Variants in SYN3 observed in about 807,000 individuals in gnomAD.
The protein encoded by SYN3 is synapsin III, also known as synapsin-3.
Under a neutral mutation model 65.8 loss-of-function variants are expected in SYN3, and 35 were observed. That is an observed-to-expected ratio of 0.53 (90% CI 0.41 to 0.70). The LOEUF (loss-of-function observed/expected upper bound fraction) is 0.70. Ranked by LOEUF, SYN3 falls within the 30% of genes least tolerant of loss-of-function variation. The pLI is 0.00. For missense variants in SYN3, 680 were observed against 749.0 expected, an observed-to-expected ratio of 0.91 and a Z score of 1.08; for synonymous variants, 270 against 292.9, an observed-to-expected ratio of 0.92 and a Z score of 0.80.
intron 1 of SYN3, among the ~76,000 whole-genome samples, chr22:33,017,505 G>C (rs958709978): frequency 6.6e-6 from 1 of 152,144 alleles, no homozygotes; most frequent in Non-Finnish European, 1.5e-5. Flanking sequence ...CCGTGAACAC[G>C]GGATACCTTT....
At chr22:32,731,407 C>T (rs2061268621) in intron 6 of SYN3, among the ~76,000 whole-genome samples, 1 of 152,166 alleles carries the variant, frequency 6.6e-6, no homozygotes, top group African/African-American at 2.4e-5. Flanking sequence ...ATCTATAAAT[C>T]TGGGATGAAG....
chr22:32,607,480 G>T (rs1275848579), intron 6 of SYN3, among the ~76,000 whole-genome samples: 2 of 152,060 alleles, frequency 1.3e-5, no homozygotes, highest in Non-Finnish European at 2.9e-5. Context: ...CCTGACCCTG[G>T]TCAGGCACAC....
In SYN3 at chr22:33,035,604, G is replaced by A. The variant is rs1051058168; in HGVS notation, c.-163+22688C>T. Among the ~76,000 whole-genome samples, 10 of 152,134 alleles carry A rather than the reference G, an allele frequency of 6.6e-5. No homozygotes were observed. In the East Asian group the frequency reaches 1.5e-3, roughly 24 times the overall value. On this transcript the variant is annotated intron_variant, in intron 1 of 13. Coordinates refer to ENST00000358763, the MANE Select transcript of SYN3 (RefSeq NM_003490.4). ...AGGTCTTTATTTTTATTTGAGACACGGTCTTGCCCTGTCACCCAGGCTGGA... is the reference window on the plus strand; with the variant it reads ...AGGTCTTTATTTTTATTTGAGACACAGTCTTGCCCTGTCACCCAGGCTGGA...
chr22:32,758,856 G>C (rs1364725978), intron 6 of SYN3, among the ~76,000 whole-genome samples: 2 of 150,872 alleles, frequency 1.3e-5, no homozygotes, highest in African/African-American at 4.9e-5. Flanking sequence ...CAACAGTCCT[G>C]TGGGTAGCAG....
At chr22:32,712,399 T>C (rs2060977988) in intron 6 of SYN3, among the ~76,000 whole-genome samples, 1 of 152,214 alleles carries the variant, frequency 6.6e-6, no homozygotes, top group Admixed American at 6.5e-5. Context: ...ATGGGACGTG[T>C]CTAGGGTGTC....
intron 6 of SYN3, among the ~76,000 whole-genome samples, chr22:32,777,722 T>C (rs2045943236): frequency 6.6e-6 from 1 of 152,214 alleles, no homozygotes; most frequent in Non-Finnish European, 1.5e-5. Flanking sequence ...TTAGCTTTTC[T>C]TGCTTATGAT....
At chr22:32,864,798 C>G in intron 6 of SYN3, 117 bp downstream of exon 6, 1 of 902,774 alleles carries the variant, frequency 1.1e-6, no homozygotes, top group Non-Finnish European at 1.8e-6. Flanking sequence ...GCCTTAGAGT[C>G]TGCGTGGTCA....
chr22:32,860,764 C>T (rs987646301), intron 6 of SYN3: 1 of 152,062 alleles, frequency 6.6e-6, no homozygotes, highest in African/African-American at 2.4e-5. Flanking sequence ...TGGAGGGACA[C>T]CTCTCCTGGG....
intron 6 of SYN3, among the ~76,000 whole-genome samples, chr22:32,619,863 G>T (rs1000950992): frequency 4.6e-5 from 7 of 152,218 alleles, no homozygotes; most frequent in African/African-American, 1.7e-4. Flanking sequence ...ACTAGCCTGG[G>T]TTAGTTGGCT....
chr22:32,879,727 C>T (rs1453015490), intron 4 of SYN3, among the ~76,000 whole-genome samples: 1 of 152,154 alleles, frequency 6.6e-6, no homozygotes, highest in Non-Finnish European at 1.5e-5. Flanking sequence ...CTTTTGTGAC[C>T]CCTTCCCTGA....
At chr22:32,885,280 G>A (rs2146441512) in intron 4 of SYN3, among the ~76,000 whole-genome samples, 1 of 152,296 alleles carries the variant, frequency 6.6e-6, no homozygotes, top group Admixed American at 6.5e-5. Context: ...TCATATCACT[G>A]AGCTAGGGCA....
chr22:32,780,238 C>T (rs1018070729), intron 6 of SYN3, among the ~76,000 whole-genome samples: 4 of 152,086 alleles, frequency 2.6e-5, no homozygotes, highest in Non-Finnish European at 5.9e-5. Context: ...CTGTGCTTTG[C>T]TGAACTGTGC....
At chr22:32,734,662 G>A (rs1484750584) in intron 6 of SYN3, among the ~76,000 whole-genome samples, 2 of 152,174 alleles carry the variant, frequency 1.3e-5, no homozygotes, top group African/African-American at 2.4e-5. Flanking sequence ...GCTGAGATCC[G>A]AGATGAAGAG....
In SYN3 at chr22:32,881,735, G is replaced by GT. The variant is rs914977166; in HGVS notation, c.462-12611dup. Among the ~76,000 whole-genome samples the GT allele has an allele frequency of 2.3e-4, 35 of 151,418 alleles. No homozygotes were observed. In the East Asian group the frequency reaches 2.3e-3, roughly 10 times the overall value. On this transcript the variant is annotated intron_variant, in intron 4 of 13. Coordinates refer to ENST00000358763, the MANE Select transcript of SYN3 (RefSeq NM_003490.4). ...TTATTTTATCCATTGTTTGATAGTTGTTTTTTTTTAAAGGAAAGATGTGAA... is the reference window on the plus strand; with the variant it reads ...TTATTTTATCCATTGTTTGATAGTTGTTTTTTTTTTAAAGGAAAGATGTGAA...
chr22:32,954,208 G>C (rs1201257916), intron 3 of SYN3, among the ~76,000 whole-genome samples: 3 of 152,150 alleles, frequency 2.0e-5, no homozygotes, highest in African/African-American at 7.2e-5. Flanking sequence ...TGCCAGGGGA[G>C]ACTTCAAGGT....
At chr22:32,647,443 TTC>T (rs1045649077) in intron 6 of SYN3, among the ~76,000 whole-genome samples, 19 of 150,322 alleles carry the variant, frequency 1.3e-4, no homozygotes, top group Admixed American at 7.9e-4. Context: ...TTTGAGATTT[TTC>T]TTTTTCTTTT....
intron 6 of SYN3, among the ~76,000 whole-genome samples, chr22:32,681,577 C>T (rs1036438734): frequency 3.3e-5 from 5 of 152,232 alleles, no homozygotes; most frequent in Admixed American, 6.5e-5. Context: ...CAAGACTGGA[C>T]TTCAGCTCAC....
chr22:32,859,111 G>C (rs745865476), intron 6 of SYN3: 6 of 1,556,374 alleles, frequency 3.9e-6, no homozygotes, highest in Non-Finnish European at 4.4e-6. Flanking sequence ...CTGAATCCAG[G>C]CTCGGTAGCC....
chr22:32,632,868 C>A (rs968245618), intron 6 of SYN3, among the ~76,000 whole-genome samples: 1 of 152,172 alleles, frequency 6.6e-6, no homozygotes, highest in Non-Finnish European at 1.5e-5. Flanking sequence ...CGGGGACCGC[C>A]GTGGATGTCT....
Sources: gnomAD v4.1 joint callset for allele counts (sites outside exome capture counted in the v4.1 genomes callset) on GRCh38, gnomAD v4.1.1 for gene constraint, MANE v1.5 for transcripts, NCBI Gene and HGNC (gene_info 2026-07-23, HGNC 2026-07-21) for gene names.